Variants in DMD observed in about 807,000 individuals in gnomAD.
The protein encoded by DMD is dystrophin.
DMD carries 63 observed loss-of-function variants against 330.1 expected under a neutral mutation model. The observed-to-expected ratio is 0.19, with a 90% confidence interval of 0.16 to 0.24. DMD has a LOEUF of 0.24. Ranked by LOEUF, DMD falls within the 10% of genes least tolerant of loss-of-function variation. The pLI, the probability that DMD is intolerant of heterozygous loss-of-function variation, is 1.00. For missense variants in DMD, 3,344 were observed against 2,684.1 expected (o/e 1.25, Z -5.43); for synonymous variants, 1,223 against 959.8 (o/e 1.27, Z -5.07).
intron 7 of DMD, among the ~76,000 whole-genome samples, chrX:32,809,268 T>C (rs769941584): frequency 9.8e-5 from 11 of 112,087 alleles, no homozygotes; most frequent in Non-Finnish European, 1.5e-4. Flanking sequence ...AAGGCTTTTT[T>C]CCTAAAAGTC....
intron 62 of DMD, among the ~76,000 whole-genome samples, chrX:31,294,973 G>A (rs756357649): frequency 2.7e-5 from 3 of 111,810 alleles, no homozygotes; most frequent in African/African-American, 9.8e-5. Flanking sequence ...GTGTTTGTAA[G>A]AGACATTGTA....
intron 2 of DMD, among the ~76,000 whole-genome samples, chrX:33,005,470 T>C (rs1371096149): frequency 1.8e-5 from 2 of 108,537 alleles, no homozygotes; most frequent in Non-Finnish European, 3.8e-5. Context: ...GAGAAACAGT[T>C]CCTCAAAATA....
intron 29 of DMD, among the ~76,000 whole-genome samples, chrX:32,415,976 C>T (rs909623884): frequency 4.5e-5 from 5 of 111,851 alleles, no homozygotes; most frequent in African/African-American, 1.6e-4. Context: ...GTCATCTCTA[C>T]AATGAATTGA....
intron 7 of DMD, among the ~76,000 whole-genome samples, chrX:32,737,862 T>C (rs1603314459): frequency 8.9e-6 from 1 of 111,781 alleles, no homozygotes. Context: ...AAACTCATTA[T>C]CCAACAAATT....
chrX:31,154,554 A>C (rs1288759169), intron 74 of DMD, among the ~76,000 whole-genome samples: 1 of 110,022 alleles, frequency 9.1e-6, no homozygotes, highest in African/African-American at 3.3e-5. Context: ...TCGGCCTCCC[A>C]AAGTGCTGGG....
At chrX:31,544,581 A>G (rs1317308155) in intron 55 of DMD, among the ~76,000 whole-genome samples, 3 of 111,024 alleles carry the variant, frequency 2.7e-5, no homozygotes, top group Non-Finnish European at 5.7e-5. Context: ...ACCCCAGTTT[A>G]TTACCATTCC....
chrX:31,992,825 T>C (rs750627611), intron 44 of DMD, among the ~76,000 whole-genome samples: 55 of 111,963 alleles, frequency 4.9e-4, no homozygotes, highest in Non-Finnish European at 1.0e-3. Flanking sequence ...TGATAATGCA[T>C]TGTCCTCTGT....
chrX:32,721,510 A>T (rs1167638704), intron 7 of DMD, among the ~76,000 whole-genome samples: 1 of 110,739 alleles, frequency 9.0e-6, no homozygotes, highest in Admixed American at 9.7e-5. Flanking sequence ...TCTTTGAAAA[A>T]AAAAATGTTC....
intron 72 of DMD, among the ~76,000 whole-genome samples, chrX:31,172,621 AAATTC>A (rs962912274): frequency 1.8e-5 from 2 of 111,888 alleles, no homozygotes; most frequent in African/African-American, 6.5e-5. Context: ...TTTATGATAG[AAATTC>A]TAAGGAAAGT....
intron 7 of DMD, among the ~76,000 whole-genome samples, chrX:32,718,192 C>T (rs1296342633): frequency 3.6e-5 from 4 of 111,114 alleles, no homozygotes; most frequent in Non-Finnish European, 7.5e-5. Flanking sequence ...GGCACTGTGT[C>T]CCTGCCCAAA....
chrX:32,147,002 A>G (rs2096781127), intron 44 of DMD, among the ~76,000 whole-genome samples: 1 of 112,171 alleles, frequency 8.9e-6, no homozygotes, highest in South Asian at 3.7e-4. Context: ...GATGGTACCT[A>G]TACCTCTAGA....
At chrX:31,310,462 C>A (rs1441053826) in intron 62 of DMD, among the ~76,000 whole-genome samples, 1 of 109,668 alleles carries the variant, frequency 9.1e-6, no homozygotes, top group African/African-American at 3.3e-5. Flanking sequence ...ATTAATCTAG[C>A]CTTTATTTGA....
At chrX:32,048,113 G>A (rs1332655474) in intron 44 of DMD, among the ~76,000 whole-genome samples, 2 of 99,754 alleles carry the variant, frequency 2.0e-5, no homozygotes, top group Non-Finnish European at 4.0e-5. Flanking sequence ...TTTATTCAGT[G>A]TATTATTAAG....
intron 2 of DMD, among the ~76,000 whole-genome samples, chrX:32,906,506 G>C (rs752432497): frequency 1.8e-4 from 20 of 111,992 alleles, no homozygotes; most frequent in Non-Finnish European, 3.6e-4. Flanking sequence ...TAGACACCGA[G>C]GGACTTGAAA....
intron 48 of DMD, among the ~76,000 whole-genome samples, chrX:31,838,471 C>T (rs2093251928): frequency 8.9e-6 from 1 of 112,020 alleles, no homozygotes; most frequent in African/African-American, 3.2e-5. Context: ...ATGCATTACA[C>T]ATATAAACTG....
intron 1 of DMD, among the ~76,000 whole-genome samples, chrX:33,072,175 T>A (rs1162684857): frequency 8.9e-6 from 1 of 112,333 alleles, no homozygotes; most frequent in Non-Finnish European, 1.9e-5. Context: ...CCCAGCACTT[T>A]GGGAGGCCAA....
chrX:31,438,377 T>C (rs925582428), intron 60 of DMD, among the ~76,000 whole-genome samples: 1 of 111,866 alleles, frequency 8.9e-6, no homozygotes, highest in Non-Finnish European at 1.9e-5. Context: ...TGAAAGTTTG[T>C]TAGAGATGCA....
chrX:31,183,423 C>A (rs2041373833), intron 67 of DMD, among the ~76,000 whole-genome samples: 1 of 110,675 alleles, frequency 9.0e-6, no homozygotes, highest in Non-Finnish European at 1.9e-5. Context: ...AGAAAAGGAG[C>A]TTTTCAAAGG....
intron 44 of DMD, among the ~76,000 whole-genome samples, chrX:32,022,172 C>G (rs1428124846): frequency 1.8e-5 from 2 of 111,158 alleles, no homozygotes; most frequent in African/African-American, 6.5e-5. Context: ...AGAAAAGGGG[C>G]CTGGATTTTC....
Sources: allele counts gnomAD v4.1 joint callset (sites outside exome capture counted in the v4.1 genomes callset), GRCh38; gene constraint gnomAD v4.1.1; transcripts MANE v1.5; gene names NCBI Gene and HGNC (gene_info 2026-07-23, HGNC 2026-07-21).